Variants in PASK observed in about 807,000 individuals in gnomAD.
PASK encodes the protein PAS domain containing serine/threonine kinase.
A neutral mutation model predicts 121.0 loss-of-function variants in PASK; 110 were observed. That is an observed-to-expected ratio of 0.91 (90% CI 0.78 to 1.06). The LOEUF (loss-of-function observed/expected upper bound fraction) is 1.06. PASK is among the 50% of genes least tolerant of loss of function. The probability of loss-of-function intolerance (pLI) is 0.00; values close to 1 mark genes in which losing one functional copy is unlikely to be tolerated. For synonymous variants in PASK, 686 were observed against 717.8 expected (o/e 0.96, Z 0.71); for missense variants, 1,643 against 1,702.3 (o/e 0.97, Z 0.61).
Position 241,132,922 on chromosome 2 carries a change from A to G in PASK, c.1415T>C (p.Ile472Thr), listed in dbSNP as rs2066232558. The change falls in exon 9 of 18, where the codon ATT becomes ACT. Residue 472 changes from isoleucine (I) to threonine (T), a missense_variant. By Grantham distance (89) the Ile-to-Thr change is moderately conservative (BLOSUM62 -1). This residue lies in a region of PASK where 1,176 missense variants were observed against 1,162.2 expected (regional missense o/e 1.01). Coordinates refer to ENST00000234040, the MANE Select transcript of PASK (RefSeq NM_015148.4). ...DIFTGTQTEL[I>T]AGGQLLSCLS... is the part of the protein sequence containing the mutation. ...GCAGGAAAGGAGCTGGCCTCCAGCA[A>G]TCAGCTCAGTCTGAGTCCCGGTGAA... 1 of 1,613,926 alleles carries G rather than the reference A, an allele frequency of 6.2e-7. No homozygotes were observed. Among genetic ancestry groups the G allele is most frequent in the South Asian group, 1.1e-5 (1 of 91,076 alleles).
At chr2:241,123,153 T>C (rs967283489) in intron 11 of PASK, among the ~76,000 whole-genome samples, 1 of 150,456 alleles carries the variant, frequency 6.6e-6, no homozygotes, top group South Asian at 2.1e-4. Flanking sequence ...TACATGGGCC[T>C]AGGCAGATTT....
intron 1 of PASK, among the ~76,000 whole-genome samples, chr2:241,146,811 G>A (rs189598715): frequency 1.7e-3 from 264 of 152,338 alleles, no homozygotes; most frequent in Admixed American, 4.4e-3. Flanking sequence ...AAGGGCACAG[G>A]TCCCCTGATT....
rs1478598306 is a variant in PASK, at chr2:241,108,048, GAAAC to G, written c.3667+115_3667+118del. 7 of 984,274 alleles carry G rather than the reference GAAAC, an allele frequency of 7.1e-6. No homozygotes were observed. Among genetic ancestry groups the G allele is most frequent in the Non-Finnish European group, 1.1e-5 (7 of 613,734 alleles). 61.0% of individuals were successfully genotyped at this position (984,274 alleles called of 1,614,324 possible). On this transcript the variant is annotated intron_variant, in intron 16 of 17. Coordinates refer to ENST00000234040, the MANE Select transcript of PASK (RefSeq NM_015148.4). The surrounding 1 kb of genome is among the most constrained non-coding windows in gnomAD (Gnocchi z 5.2). ...TGCAAATTATTTGATGAATAGAAAAGAAACAAATGAGACTGTTGATATGGACAGA... is the reference window on the plus strand; with the variant it reads ...TGCAAATTATTTGATGAATAGAAAAGAAATGAGACTGTTGATATGGACAGA...
intron 5 of PASK, 29 bp from the exon 6 acceptor site, chr2:241,138,116 A>G (rs1015609178): frequency 6.2e-7 from 1 of 1,612,356 alleles, no homozygotes; most frequent in Non-Finnish European, 8.5e-7. Flanking sequence ...GCTTATCATA[A>G]AAGCTTCTTG....
At chr2:241,135,837 T>C in intron 8 of PASK, 34 bp downstream of exon 8, 1 of 1,601,290 alleles carries the variant, frequency 6.2e-7, no homozygotes, top group African/African-American at 1.3e-5. Context: ...GCTCAGCAGC[T>C]ACAGGCGCAT....
Position 241,149,424 on chromosome 2 carries a change from C to T in PASK, c.-53G>A, listed in dbSNP as rs1334369569. ...GCGCAGGTATCTCACCTGGATCAGG[C>T]GAGGGTCACGCCAAGCCGGCTACAC... On this transcript the variant is annotated 5_prime_UTR_variant, in exon 1 of 18. Transcript: ENST00000234040. The T allele has an allele frequency of 9.3e-6, 5 of 536,944 alleles. No homozygotes were observed. Among genetic ancestry groups the T allele is most frequent in the Admixed American group, 3.3e-5 (1 of 30,130 alleles). The allele number at this position is 536,944 out of a possible 1,614,324, so 33.3% of individuals were successfully genotyped here.
chr2:241,143,024 G>A lies in PASK; in HGVS notation c.9C>T (p.Asp3=), dbSNP rs750110681. ME[D]GGLTAFEEDQ... is the part of the protein sequence containing the mutation. ...CCTCTTCAAAGGCTGTTAAGCCCCC[G>A]TCCTCCATGGGAAGAAGGGAGGCCA... is the stretch of plus-strand genomic sequence containing the variant. Residue 3 remains aspartate (D), a synonymous_variant, in exon 2 of 18, where the codon GAC becomes GAT. Coordinates refer to ENST00000234040, the MANE Select transcript of PASK (RefSeq NM_015148.4). 70 of 1,613,204 alleles carry A rather than the reference G, an allele frequency of 4.3e-5. No homozygotes were observed. Among genetic ancestry groups the A allele is most frequent in the East Asian group, 1.6e-4 (7 of 44,884 alleles).
chr2:241,124,274 C>T (rs1430905546), intron 10 of PASK, 141 bp from the exon 11 acceptor site: 2 of 735,108 alleles, frequency 2.7e-6, no homozygotes, highest in East Asian at 5.4e-5. Flanking sequence ...CCCCAGAACA[C>T]AGACCAGAGA....
chr2:241,106,631 G>A lies in PASK; in HGVS notation c.3907C>T (p.Pro1303Ser). The A allele has an allele frequency of 6.2e-7, 1 of 1,614,196 alleles. No homozygotes were observed. Among genetic ancestry groups the A allele is most frequent in the Non-Finnish European group, 8.5e-7 (1 of 1,180,026 alleles). Reference sequence around the variant, plus strand: ...CCTTGGCCATTAGGAGCCTCGCCTGGAACGGGGCCCCCACAAAGCTCCTGA... The same window carrying A: ...CCTTGGCCATTAGGAGCCTCGCCTGAAACGGGGCCCCCACAAAGCTCCTGA... Reference protein sequence around the residue: ...QAQELCGGPVPGEAPNGQGCL... With the variant: ...QAQELCGGPVSGEAPNGQGCL... The change falls in exon 18 of 18, where the codon CCA (proline) becomes TCA (serine). Residue 1303 changes from proline to serine, a missense_variant. Pro to Ser is a moderately conservative substitution (Grantham distance 74, BLOSUM62 -1). Around this residue, in one of 3 missense-constraint regions of PASK, gnomAD observed 453 missense variants for 511.2 expected, o/e 0.89. Transcript: ENST00000234040.
At chr2:241,132,131 T>C (rs1282740914) in intron 9 of PASK, among the ~76,000 whole-genome samples, 2 of 151,594 alleles carry the variant, frequency 1.3e-5, no homozygotes, top group Non-Finnish European at 2.9e-5. Context: ...ACAATACGAC[T>C]ATGAGAATAG....
intron 10 of PASK, 142 bp downstream of exon 10, chr2:241,126,054 G>T: frequency 1.3e-6 from 1 of 786,974 alleles, no homozygotes; most frequent in Non-Finnish European, 2.1e-6. Context: ...TGGATGATAT[G>T]CATTCTCCTT....
At position 241,126,857 on chromosome 2, in the gene PASK, C is replaced by T; in HGVS notation, c.2058G>A (p.Glu686=). Reference sequence around the variant, plus strand: ...ACACAGGAGCGGTGACAGCCTGGCACTCTGTCGGAACGAGTTCGGCGTGGG... The same window carrying T: ...ACACAGGAGCGGTGACAGCCTGGCATTCTGTCGGAACGAGTTCGGCGTGGG... ...DVPHAELVPT[E]CQAVTAPVSS... Residue 686 remains glutamate (E), a synonymous_variant, in exon 10 of 18, where the codon GAG becomes GAA. Coordinates refer to ENST00000234040, the MANE Select transcript of PASK (RefSeq NM_015148.4). 1 of 1,612,594 alleles carries T rather than the reference C, an allele frequency of 6.2e-7. No individual in the cohort carries two copies. Among genetic ancestry groups the T allele is most frequent in the Non-Finnish European group, 8.5e-7 (1 of 1,178,830 alleles).
chr2:241,116,605 A>G (rs1399658696), intron 12 of PASK, among the ~76,000 whole-genome samples: 1 of 152,262 alleles, frequency 6.6e-6, no homozygotes, highest in Admixed American at 6.5e-5. Context: ...CTCTGAGATT[A>G]ATCAGACTTT....
rs573210384 is a variant in PASK at position 241,132,079 on chromosome 2, G to A, written c.1463+795C>T. Among the ~76,000 whole-genome samples the A allele has an allele frequency of 6.6e-3, 980 of 147,384 alleles. 4 individuals are homozygous for A. The highest frequency in any genetic ancestry group is 9.8e-3 in the Non-Finnish European group (654 of 66,962). On this transcript the variant is annotated intron_variant, in intron 9 of 17. Coordinates refer to ENST00000234040, the MANE Select transcript of PASK (RefSeq NM_015148.4). ...AAAAAAAAAAAAAAAAAAAGATTCC[G>A]AAGAAGAAAATGGGTTAAAAATACA...
In PASK at chr2:241,138,764, T is replaced by A; in HGVS notation, c.631A>T (p.Ile211Phe). 1 of 1,614,086 alleles carries A rather than the reference T, an allele frequency of 6.2e-7. No individual in the cohort carries two copies. Among genetic ancestry groups the A allele is most frequent in the Non-Finnish European group, 8.5e-7 (1 of 1,179,990 alleles). Residue 211 changes from isoleucine (I) to phenylalanine (F), a missense_variant, in exon 5 of 18, where the codon ATT becomes TTT. Physicochemically the swap from Ile to Phe is conservative, Grantham distance 21. Transcript: ENST00000234040. ...VDIISRSGEK[I>F]PVSVWMKRMR... ...CTCTTCATCCACACAGACACTGGAA[T>A]CTTCTCCCCACTACGGCTGATGATG...
chr2:241,109,923 G>T (rs1559353852), intron 15 of PASK: 1 of 152,352 alleles, frequency 6.6e-6, no homozygotes, highest in Non-Finnish European at 1.5e-5. Flanking sequence ...GGCAGCTACA[G>T]ACGACACATA....
chr2:241,150,183 C>G, upstream of PASK: 2 of 1,279,904 alleles, frequency 1.6e-6, no homozygotes, highest in Non-Finnish European at 2.0e-6. Flanking sequence ...CTCCACTCTG[C>G]CTAGACGTCC....
upstream of PASK, chr2:241,150,244 T>C (rs1315860816): frequency 5.4e-6 from 7 of 1,289,040 alleles, no homozygotes; most frequent in South Asian, 1.3e-4. Context: ...CGACTCCCTC[T>C]GCTTTCCTTC....
chr2:241,149,637 CA>C, upstream of PASK: 2 of 1,539,554 alleles, frequency 1.3e-6, no homozygotes, highest in Non-Finnish European at 8.7e-7. Context: ...TCGGAGGAGC[CA>C]AAGGAATAAT....
Sources: allele counts gnomAD v4.1 joint callset (sites outside exome capture counted in the v4.1 genomes callset), GRCh38; gene constraint gnomAD v4.1.1; regional missense constraint gnomAD v4.1.1; non-coding constraint Gnocchi (gnomAD v3.1); transcripts MANE v1.5; gene names NCBI Gene and HGNC (gene_info 2026-07-23, HGNC 2026-07-21).